TRPM5: variants seen among roughly 807,000 people sequenced by gnomAD.
TRPM5 encodes the protein MLSN1 and TRP-related.
Under a neutral mutation model 124.9 loss-of-function variants are expected in TRPM5, and 121 were observed. That is an observed-to-expected ratio of 0.97 (90% confidence interval 0.84 to 1.13). TRPM5 has a LOEUF of 1.13. TRPM5 is among the 50% of genes most tolerant of loss of function. The pLI is 0.00. For missense variants in TRPM5, 1,643 were observed against 1,589.1 expected (o/e 1.03, Z -0.58); for synonymous variants, 781 against 700.5 (o/e 1.11, Z -1.81).
chr11:2,439,759 G>T, the TRPM5 span, among the ~76,000 whole-genome samples: 3 of 152,216 alleles, frequency 2.0e-5, no homozygotes, highest in Non-Finnish European at 1.5e-5. Flanking sequence ...ACTGTGGAAA[G>T]CAGTTTGGAG....
chr11:2,430,934 G>A, the TRPM5 span, among the ~76,000 whole-genome samples: 1 of 152,028 alleles, frequency 6.6e-6, no homozygotes, highest in South Asian at 2.1e-4. Context: ...TGATGGAGGT[G>A]GTAGTGATGA....
At chr11:2,417,793 C>T (rs372871648) in exon 7 of TRPM5, 57 of 1,559,890 alleles carry the variant, frequency 3.7e-5, no homozygotes, top group Middle Eastern at 1.8e-4. Flanking sequence ...AAGTCATACA[C>T]GGTGAGCAGG....
the TRPM5 span, among the ~76,000 whole-genome samples, chr11:2,443,941 A>G: frequency 6.6e-6 from 1 of 151,060 alleles, no homozygotes; most frequent in Non-Finnish European, 1.5e-5. The surrounding 1 kb of genome is among the most constrained non-coding windows in gnomAD (Gnocchi z 5.0). Context: ...AGGGGAATCC[A>G]CGGGGCGCAG....
chr11:2,439,594 A>G, the TRPM5 span, among the ~76,000 whole-genome samples: 1 of 152,254 alleles, frequency 6.6e-6, no homozygotes, highest in African/African-American at 2.4e-5. Context: ...ATCACTAATC[A>G]TTAGAGAAAT....
intron 11 of TRPM5, 89 bp from the exon 17 acceptor site, chr11:2,414,295 G>T: frequency 2.0e-6 from 3 of 1,499,648 alleles, no homozygotes; most frequent in Non-Finnish European, 2.7e-6. Flanking sequence ...CCCAGACCTG[G>T]GCTCTGCAGC....
intron 22 of TRPM5, 46 bp from the exon 28 acceptor site, chr11:2,405,639 A>G: frequency 6.5e-7 from 1 of 1,541,112 alleles, no homozygotes; most frequent in Non-Finnish European, 8.8e-7. Context: ...CTCTCTCAGG[A>G]CAGCAGGGGA....
exon 14 of TRPM5, chr11:2,413,213 G>A (rs548086194): frequency 1.9e-6 from 3 of 1,548,944 alleles, no homozygotes; most frequent in South Asian, 1.2e-5. Flanking sequence ...CCTGTCCTCA[G>A]GGGAGCTTCC....
the TRPM5 span, among the ~76,000 whole-genome samples, chr11:2,436,882 A>G: frequency 6.6e-6 from 1 of 152,230 alleles, no homozygotes; most frequent in Non-Finnish European, 1.5e-5. Flanking sequence ...CTCAGATCAA[A>G]GTGAACGCAG....
exon 6 of TRPM5, chr11:2,418,206 C>T (rs759349751): frequency 1.3e-6 from 2 of 1,584,070 alleles, no homozygotes; most frequent in Admixed American, 3.6e-5. Flanking sequence ...AAGAGAAATG[C>T]TTGCTGGGGA....
chr11:2,417,165 T>A (rs903863788), intron 7 of TRPM5, among the ~76,000 whole-genome samples: 3 of 152,144 alleles, frequency 2.0e-5, no homozygotes, highest in African/African-American at 7.2e-5. Context: ...TAAAAACCAC[T>A]GAATTGGCTA....
At chr11:2,414,612 C>T (rs1282775312) in intron 11 of TRPM5, 103 bp downstream of exon 16, 29 of 1,407,968 alleles carry the variant, frequency 2.1e-5, no homozygotes, top group South Asian at 7.4e-5. Flanking sequence ...TGGAGCCCCA[C>T]GGCGGTAACA....
the TRPM5 span, among the ~76,000 whole-genome samples, chr11:2,435,155 C>T: frequency 1.3e-5 from 2 of 152,014 alleles, no homozygotes; most frequent in Admixed American, 6.5e-5. The surrounding 1 kb of genome is among the most constrained non-coding windows in gnomAD (Gnocchi z 4.1). Flanking sequence ...CAGGGGGAGA[C>T]ACAGACAACA....
upstream of TRPM5, among the ~76,000 whole-genome samples, chr11:2,424,285 G>A (rs1337370071): frequency 2.0e-5 from 3 of 152,246 alleles, no homozygotes; most frequent in East Asian, 5.8e-4. Context: ...GAGTTGGGGG[G>A]AACTTCAGAG....
chr11:2,437,228 TC>T, the TRPM5 span, among the ~76,000 whole-genome samples: 216 of 152,350 alleles, frequency 1.4e-3, no homozygotes, highest in African/African-American at 4.8e-3. The surrounding 1 kb of genome is among the most constrained non-coding windows in gnomAD (Gnocchi z 5.6). Flanking sequence ...GCCTCAGTCT[TC>T]CCTGGCTGGT....
upstream of TRPM5, among the ~76,000 whole-genome samples, chr11:2,424,339 G>A (rs1845817210): frequency 6.6e-6 from 1 of 152,226 alleles, no homozygotes; most frequent in South Asian, 2.1e-4. Flanking sequence ...TGGCTTTGGG[G>A]CAGAGGCTAA....
chr11:2,410,664 C>G (rs749875733), intron 18 of TRPM5: 5 of 453,544 alleles, frequency 1.1e-5, no homozygotes, highest in South Asian at 7.8e-5. Context: ...TGACCCCCGC[C>G]CCCTCCCCAC....
chr11:2,422,699 G>T (rs1845789644), intron 1 of TRPM5, among the ~76,000 whole-genome samples: 1 of 151,426 alleles, frequency 6.6e-6, no homozygotes, highest in Non-Finnish European at 1.5e-5. Flanking sequence ...CTCTCGGGGG[G>T]ACTTCAGGGG....
chr11:2,411,891 G>A (rs1250662787), intron 16 of TRPM5, 124 bp from the exon 22 acceptor site: 3 of 1,219,890 alleles, frequency 2.5e-6, no homozygotes, highest in Non-Finnish European at 3.4e-6. Context: ...GGCCCTGAGT[G>A]GCTTCATCTT....
chr11:2,433,383 G>C, the TRPM5 span, among the ~76,000 whole-genome samples: 2 of 152,234 alleles, frequency 1.3e-5, no homozygotes, highest in Non-Finnish European at 2.9e-5. Context: ...TGTGCGCAAG[G>C]GCTGCCCGGC....
Sources: allele counts gnomAD v4.1 joint callset (sites outside exome capture counted in the v4.1 genomes callset), GRCh38; gene constraint gnomAD v4.1.1; non-coding constraint Gnocchi (gnomAD v3.1); transcripts MANE v1.5; gene names NCBI Gene and HGNC (gene_info 2026-07-23, HGNC 2026-07-21).